SNX9: variants seen among roughly 807,000 people sequenced by gnomAD.
SNX9 encodes the protein sorting nexin-9.
A neutral mutation model predicts 89.4 loss-of-function variants in SNX9; 44 were observed. The ratio of observed to expected loss-of-function variants is 0.49; its 90% CI spans 0.39 to 0.63. SNX9 has a LOEUF of 0.63. Ranked by LOEUF, SNX9 falls within the 30% of genes least tolerant of loss-of-function variation. The pLI is 0.00. For synonymous variants in SNX9, 236 were observed against 247.8 expected, an observed-to-expected ratio of 0.95 and a Z score of 0.45; for missense variants, 578 against 736.1, an observed-to-expected ratio of 0.79 and a Z score of 2.49.
In SNX9 at chr6:157,921,568, G is replaced by A. The variant is rs989756508; in HGVS notation, c.987G>A (p.Glu329=). 4.3e-6 allele frequency: 7 copies of A among 1,614,088 alleles called. No homozygotes were observed. Among genetic ancestry groups the A allele is most frequent in the South Asian group, 2.2e-5 (2 of 91,076 alleles). ...AGGAATTTATCAAAATGCGCATGGA[G>A]AGACTTCAGGCCTGGATGACCAGGA... ...FEEEFIKMRM[E]RLQAWMTRMC... is the part of the protein sequence containing the mutation. The change falls in exon 10 of 18, where the codon GAG becomes GAA. Residue 329 remains glutamate (E), a synonymous_variant. Transcript: ENST00000392185.
chr6:157,835,819 T>G (rs1473886209), intron 1 of SNX9, among the ~76,000 whole-genome samples: 1 of 152,204 alleles, frequency 6.6e-6, no homozygotes. Flanking sequence ...TGTGAGTCAA[T>G]TAAACCTCTT....
At chr6:157,929,965 C>T (rs554494850) in intron 12 of SNX9, among the ~76,000 whole-genome samples, 1 of 152,342 alleles carries the variant, frequency 6.6e-6, no homozygotes, top group South Asian at 2.1e-4. Context: ...TTTATTGGAA[C>T]ACACCCATGC....
intron 17 of SNX9, among the ~76,000 whole-genome samples, chr6:157,941,883 C>G (rs1289591672): frequency 6.6e-6 from 1 of 152,228 alleles, no homozygotes; most frequent in Admixed American, 6.5e-5. Flanking sequence ...CCTTACAGGA[C>G]GTGGGCCCTA....
At chr6:157,921,760 AT>A (rs1244910009) in intron 10 of SNX9, 99 bp downstream of exon 10, 1 of 1,321,908 alleles carries the variant, frequency 7.6e-7, no homozygotes, top group East Asian at 2.5e-5. Context: ...TTGGTTAGTT[AT>A]TTCTCACTTC....
intron 10 of SNX9, among the ~76,000 whole-genome samples, chr6:157,925,244 T>C (rs1783666736): frequency 6.6e-6 from 1 of 152,196 alleles, no homozygotes; most frequent in Non-Finnish European, 1.5e-5. Flanking sequence ...AACAGATGTG[T>C]AGAAAAGTAC....
intron 7 of SNX9, among the ~76,000 whole-genome samples, chr6:157,906,859 G>A (rs1230894196): frequency 1.3e-5 from 2 of 152,206 alleles, no homozygotes; most frequent in African/African-American, 2.4e-5. Flanking sequence ...GAGAACTGTA[G>A]CTATCTTCTG....
At chr6:157,900,730 T>C (rs2115168744) in intron 5 of SNX9, among the ~76,000 whole-genome samples, 1 of 152,346 alleles carries the variant, frequency 6.6e-6, no homozygotes, top group South Asian at 2.1e-4. Flanking sequence ...ATTTACAATA[T>C]AGTGTATGCA....
intron 12 of SNX9, among the ~76,000 whole-genome samples, chr6:157,930,282 TCTTTCC>T (rs1783782737): frequency 6.6e-6 from 1 of 152,244 alleles, no homozygotes; most frequent in Non-Finnish European, 1.5e-5. Flanking sequence ...AACAGTTGTT[TCTTTCC>T]CATGGCAAAG....
At chr6:157,841,355 T>G (rs898141374) in intron 1 of SNX9, among the ~76,000 whole-genome samples, 1 of 152,184 alleles carries the variant, frequency 6.6e-6, no homozygotes, top group African/African-American at 2.4e-5. Context: ...AATACAGATT[T>G]TATTACCTAC....
chr6:157,915,727 A>T (rs1485048046), intron 9 of SNX9, among the ~76,000 whole-genome samples: 1 of 146,376 alleles, frequency 6.8e-6, no homozygotes, highest in Non-Finnish European at 1.5e-5. Flanking sequence ...CAGGAGGCTG[A>T]GTCAGGAGAG....
At chr6:157,842,496 C>T (rs1781722261) in intron 1 of SNX9, among the ~76,000 whole-genome samples, 1 of 152,130 alleles carries the variant, frequency 6.6e-6, no homozygotes, top group Non-Finnish European at 1.5e-5. Flanking sequence ...TCACGTAGAG[C>T]TGGCTGTGCG....
chr6:157,834,077 G>A (rs1781525246), intron 1 of SNX9, among the ~76,000 whole-genome samples: 1 of 148,780 alleles, frequency 6.7e-6, no homozygotes, highest in Non-Finnish European at 1.5e-5. Flanking sequence ...TAATCTGACT[G>A]GATCCTGCCA....
intron 5 of SNX9, among the ~76,000 whole-genome samples, chr6:157,900,619 G>T (rs1477936495): frequency 6.6e-6 from 1 of 152,156 alleles, no homozygotes; most frequent in African/African-American, 2.4e-5. Context: ...GTTAGTGAGG[G>T]ATTTAGGGTC....
intron 4 of SNX9, among the ~76,000 whole-genome samples, chr6:157,878,575 G>A (rs973841039): frequency 8.6e-5 from 13 of 152,028 alleles, no homozygotes; most frequent in African/African-American, 2.9e-4. Flanking sequence ...TGGGACTACA[G>A]GTGCCCGCCA....
At chr6:157,894,036 G>C (rs1782919150) in intron 4 of SNX9, among the ~76,000 whole-genome samples, 1 of 151,718 alleles carries the variant, frequency 6.6e-6, no homozygotes, top group South Asian at 2.1e-4. Context: ...ATGGTATTAG[G>C]GTGACCGACT....
chr6:157,935,890 C>A, intron 13 of SNX9, 74 bp from the exon 14 acceptor site: 9 of 1,049,214 alleles, frequency 8.6e-6, no homozygotes, highest in Non-Finnish European at 9.4e-6. Flanking sequence ...CCAATAAAAT[C>A]AATAATAAAA....
chr6:157,890,578 T>G (rs1782837082), intron 4 of SNX9, among the ~76,000 whole-genome samples: 2 of 152,278 alleles, frequency 1.3e-5, no homozygotes, highest in South Asian at 2.1e-4. Flanking sequence ...CTGTGGTGAT[T>G]ACATAGATTT....
At chr6:157,910,965 T>A (rs1783328973) in intron 9 of SNX9, among the ~76,000 whole-genome samples, 2 of 151,856 alleles carry the variant, frequency 1.3e-5, no homozygotes, top group African/African-American at 4.8e-5. Flanking sequence ...ACTAAAAAAT[T>A]AGCCCGGTGT....
chr6:157,919,244 T>C (rs568650129), intron 9 of SNX9, among the ~76,000 whole-genome samples: 3 of 152,362 alleles, frequency 2.0e-5, no homozygotes, highest in African/African-American at 7.2e-5. Context: ...GCAAGTCAGC[T>C]GTTAATGCTG....
Sources: gnomAD v4.1 joint callset for allele counts (sites outside exome capture counted in the v4.1 genomes callset) on GRCh38, gnomAD v4.1.1 for gene constraint, MANE v1.5 for transcripts, NCBI Gene and HGNC (gene_info 2026-07-23, HGNC 2026-07-21) for gene names.